CUL2: variants seen among roughly 807,000 people sequenced by gnomAD.
CUL2 encodes cullin-2.
CUL2 carries 22 observed loss-of-function variants against 110.2 expected under a neutral mutation model. The ratio of observed to expected loss-of-function variants is 0.20; its 90% CI spans 0.14 to 0.28. The LOEUF (loss-of-function observed/expected upper bound fraction) is 0.28, where lower values mean the gene tolerates loss of function less well. Among genes scored for constraint, CUL2 ranks in the 10% least tolerant of loss-of-function variants. The pLI is 1.00. For synonymous variants in CUL2, 279 were observed against 293.2 expected, an observed-to-expected ratio of 0.95 and a Z score of 0.49; for missense variants, 631 against 905.5, an observed-to-expected ratio of 0.70 and a Z score of 3.89.
intron 17 of CUL2, among the ~76,000 whole-genome samples, chr10:35,019,983 A>G (rs1380362124): frequency 6.6e-6 from 1 of 152,212 alleles, no homozygotes; most frequent in South Asian, 2.1e-4. Context: ...GCCTTCATCA[A>G]GTGACCAAAT....
At chr10:35,124,135 T>C (rs957718888) in intron 1 of CUL2, among the ~76,000 whole-genome samples, 1 of 152,134 alleles carries the variant, frequency 6.6e-6, no homozygotes, top group African/African-American at 2.4e-5. Context: ...TGAGCTATGA[T>C]TGCACCACTG....
intron 1 of CUL2, among the ~76,000 whole-genome samples, chr10:35,104,198 G>A (rs113214187): frequency 0.03 from 4,564 of 152,312 alleles, 226 homozygotes; most frequent in African/African-American, 0.1. Flanking sequence ...TGTAATCCCA[G>A]CACTTACGGA....
chr10:35,036,580 A>T (rs1477207389), intron 9 of CUL2, among the ~76,000 whole-genome samples: 2 of 152,174 alleles, frequency 1.3e-5, no homozygotes, highest in Non-Finnish European at 2.9e-5. Context: ...AGTGTTCAAC[A>T]AGTTCCTGCT....
chr10:35,044,146 C>T (rs941519470), intron 8 of CUL2, among the ~76,000 whole-genome samples: 6 of 150,838 alleles, frequency 4.0e-5, no homozygotes, highest in Non-Finnish European at 8.8e-5. Flanking sequence ...ATCCAAATGT[C>T]TAGAATTACT....
chr10:35,016,543 T>G, intron 17 of CUL2, 149 bp from the exon 18 acceptor site: 1 of 659,462 alleles, frequency 1.5e-6, no homozygotes, highest in Non-Finnish European at 2.6e-6. Flanking sequence ...GTAGTCATTT[T>G]GTTTCTTGGG....
At chr10:35,019,025 A>G (rs2085119415) in intron 17 of CUL2, among the ~76,000 whole-genome samples, 1 of 152,196 alleles carries the variant, frequency 6.6e-6, no homozygotes, top group African/African-American at 2.4e-5. Flanking sequence ...AAAAATTATC[A>G]TTTGGAGTAT....
intron 1 of CUL2, among the ~76,000 whole-genome samples, chr10:35,078,295 A>ATTT: frequency 7.0e-6 from 1 of 142,234 alleles, no homozygotes; most frequent in East Asian, 2.0e-4. Flanking sequence ...GATCAGGTGA[A>ATTT]TTTTTTTTTT....
Position 35,044,863 on chromosome 10 carries a change from C to T in CUL2, c.512G>A (p.Arg171His), listed in dbSNP as rs1370380114. The change falls in exon 7 of 21, where the codon CGT becomes CAT. Residue 171 changes from arginine to histidine, a missense_variant. Arg to His is a conservative substitution (Grantham distance 29). Coordinates refer to ENST00000374749, the MANE Select transcript of CUL2 (RefSeq NM_003591.4). ...RMLLREIKND[R>H]GGEDPNQKVI... ...TTTCTGGTTTGGGTCTTCTCCACCA[C>T]GATCACTAAAACAAGGTATAACACA... 2.5e-6 allele frequency: 4 copies of T among 1,610,068 alleles called. No homozygotes were observed. The highest frequency in any genetic ancestry group is 3.4e-6 in the Non-Finnish European group (4 of 1,177,124).
intron 6 of CUL2, among the ~76,000 whole-genome samples, chr10:35,046,775 C>G (rs2085952901): frequency 6.6e-6 from 1 of 151,980 alleles, no homozygotes; most frequent in African/African-American, 2.4e-5. Flanking sequence ...GTCTATAATC[C>G]CAGCTGCTCA....
chr10:35,010,258 C>T lies in CUL2; in HGVS notation c.*53G>A. ...AGTCCTGCTTTTTCCCACAGGAACA[C>T]ACCAAATGGTGATGGCAATGATCTT... On this transcript the variant is annotated 3_prime_UTR_variant, in exon 21 of 21. Coordinates refer to ENST00000374749, the MANE Select transcript of CUL2 (RefSeq NM_003591.4). 1.3e-6 allele frequency: 2 copies of T among 1,522,542 alleles called. No individual in the cohort carries two copies. Among genetic ancestry groups the T allele is most frequent in the East Asian group, 4.8e-5 (2 of 41,240 alleles). 94.3% of individuals were successfully genotyped at this position (1,522,542 alleles called of 1,614,324 possible). A position where few individuals can be genotyped will look rare whatever the true frequency, so the allele number is the denominator to read the frequency against.
intron 18 of CUL2, among the ~76,000 whole-genome samples, chr10:35,015,404 G>C (rs79754287): frequency 4.0e-5 from 6 of 151,810 alleles, no homozygotes; most frequent in African/African-American, 1.5e-4. Flanking sequence ...TTTTACAGTT[G>C]TTCAGTTATA....
chr10:35,102,929 T>G (rs571448179), intron 1 of CUL2, among the ~76,000 whole-genome samples: 1 of 151,518 alleles, frequency 6.6e-6, no homozygotes, highest in East Asian at 1.9e-4. Flanking sequence ...TAGGTGACAA[T>G]GTTAGTTCCA....
At chr10:35,014,708 C>T (rs532395759) in intron 18 of CUL2, among the ~76,000 whole-genome samples, 2 of 152,150 alleles carry the variant, frequency 1.3e-5, no homozygotes, top group South Asian at 2.1e-4. Context: ...TGGCTTACAC[C>T]TGTGGTCCCA....
intron 1 of CUL2, among the ~76,000 whole-genome samples, chr10:35,075,977 C>A (rs139247140): frequency 6.6e-6 from 1 of 152,096 alleles, no homozygotes; most frequent in African/African-American, 2.4e-5. Context: ...AAAACTGGTA[C>A]ACAAATGTTC....
chr10:35,105,488 C>T (rs2087442850), intron 1 of CUL2, among the ~76,000 whole-genome samples: 2 of 149,164 alleles, frequency 1.3e-5, no homozygotes, highest in Admixed American at 1.3e-4. Context: ...CCAGTAATCC[C>T]GCACTTTGGG....
intron 3 of CUL2, among the ~76,000 whole-genome samples, chr10:35,061,588 C>T (rs973666093): frequency 6.6e-6 from 1 of 152,070 alleles, no homozygotes; most frequent in Non-Finnish European, 1.5e-5. Context: ...AATAGCAGAA[C>T]TTTAACATAC....
intron 1 of CUL2, among the ~76,000 whole-genome samples, chr10:35,114,766 G>A (rs190422677): frequency 3.8e-4 from 58 of 151,974 alleles, no homozygotes; most frequent in Non-Finnish European, 5.9e-5. Flanking sequence ...GGTGAGGAGA[G>A]AGAAAATATT....
chr10:35,055,476 T>C (rs1474582300), intron 4 of CUL2, among the ~76,000 whole-genome samples: 1 of 152,226 alleles, frequency 6.6e-6, no homozygotes, highest in Non-Finnish European at 1.5e-5. Context: ...CTCACGCCTG[T>C]AATCCCAGTG....
At chr10:35,099,030 G>A (rs534404855) in intron 2 of CUL2, among the ~76,000 whole-genome samples, 4 of 152,178 alleles carry the variant, frequency 2.6e-5, no homozygotes, top group Non-Finnish European at 5.9e-5. Context: ...CTGGAGGGAA[G>A]CTAATTCACA....
Sources: allele counts gnomAD v4.1 joint callset (sites outside exome capture counted in the v4.1 genomes callset), GRCh38; gene constraint gnomAD v4.1.1; transcripts MANE v1.5; gene names NCBI Gene and HGNC (gene_info 2026-07-23, HGNC 2026-07-21).